Variants in PHTF1 observed in about 807,000 individuals in gnomAD.
PHTF1 encodes putative homeodomain transcription factor 1, also known as protein PHTF1.
PHTF1 carries 88 observed loss-of-function variants against 102.4 expected under a neutral mutation model. The observed-to-expected ratio is 0.86, with a 90% CI of 0.72 to 1.03. PHTF1 has a LOEUF of 1.03. PHTF1 is among the 50% of genes least tolerant of loss of function. PHTF1 has a pLI of 0.00. For missense variants in PHTF1, 814 were observed against 909.5 expected (o/e 0.89, Z 1.35); for synonymous variants, 289 against 305.2 (o/e 0.95, Z 0.55).
intron 7 of PHTF1, among the ~76,000 whole-genome samples, chr1:113,718,467 T>A (rs1340397759): frequency 3.3e-5 from 5 of 152,158 alleles, no homozygotes; most frequent in Non-Finnish European, 5.9e-5. Context: ...TTCTCACAGC[T>A]CCACTAGGTG....
chr1:113,712,788 T>A (rs560962924), intron 8 of PHTF1, among the ~76,000 whole-genome samples: 4 of 92,570 alleles, frequency 4.3e-5, no homozygotes, highest in South Asian at 5.5e-4. Context: ...CACAAAATTT[T>A]TTTTTTTTTT....
intron 17 of PHTF1, 76 bp downstream of exon 17, chr1:113,699,628 C>T (rs3752953): frequency 0.25 from 180,225 of 732,728 alleles, 23,543 homozygotes; most frequent in South Asian, 0.34. Flanking sequence ...GTATCATCTG[C>T]CATTTAATGT....
chr1:113,706,570 A>C, intron 12 of PHTF1, 24 bp downstream of exon 12: 3 of 1,557,352 alleles, frequency 1.9e-6, no homozygotes, highest in Non-Finnish European at 2.6e-6. Flanking sequence ...TTTTTGAAAA[A>C]TCTGAAAACA....
rs1649866076 is a variant in PHTF1 at position 113,704,698 on chromosome 1, T to A, written c.1771A>T (p.Lys591Ter). ...TAGGAACGCAGTGATAACCATATTT[T>A]AATATTCTCCACCTTCTTAAGTCTG... ...HFRLKKVENI[K>*]IWLSLRSYLK... Residue 591 changes from lysine (K) to a stop codon, truncating the protein, a stop_gained, in exon 14 of 19, where the codon AAA (lysine) becomes TAA (stop). Transcript: ENST00000369604. LOFTEE classifies it high-confidence loss of function. The A allele has an allele frequency of 6.3e-7, 1 of 1,592,884 alleles. No individual in the cohort carries two copies. The highest frequency in any genetic ancestry group is 8.6e-7 in the Non-Finnish European group (1 of 1,162,888).
intron 3 of PHTF1, among the ~76,000 whole-genome samples, chr1:113,747,457 T>G (rs182340699): frequency 6.6e-6 from 1 of 152,338 alleles, no homozygotes; most frequent in African/African-American, 2.4e-5. Flanking sequence ...GTCCTCATAC[T>G]CCATTCTGGA....
intron 14 of PHTF1, 56 bp from the exon 15 acceptor site, chr1:113,704,223 C>A: frequency 1.0e-6 from 1 of 994,204 alleles, no homozygotes; most frequent in Non-Finnish European, 1.6e-6. Context: ...AGCAACCGCC[C>A]TCACATTATT....
chr1:113,724,939 C>T, intron 6 of PHTF1, 46 bp from the exon 7 acceptor site: 1 of 1,391,316 alleles, frequency 7.2e-7, no homozygotes, highest in South Asian at 1.3e-5. Flanking sequence ...AAGACCCTTT[C>T]TATTTCTGCC....
At chr1:113,756,896 G>C (rs1658967027) in intron 3 of PHTF1, among the ~76,000 whole-genome samples, 2 of 152,122 alleles carry the variant, frequency 1.3e-5, no homozygotes, top group South Asian at 4.1e-4. Context: ...GGCCGGGCGC[G>C]GTGGCTCACG....
At chr1:113,697,803 A>G in intron 18 of PHTF1, 78 bp from the exon 19 acceptor site, 1 of 926,156 alleles carries the variant, frequency 1.1e-6, no homozygotes, top group Non-Finnish European at 1.8e-6. Flanking sequence ...ACATGACTAT[A>G]AACTAAGAAT....
At chr1:113,750,075 G>A (rs1657814656) in intron 3 of PHTF1, among the ~76,000 whole-genome samples, 1 of 151,842 alleles carries the variant, frequency 6.6e-6, no homozygotes, top group Non-Finnish European at 1.5e-5. Flanking sequence ...GCACACCACA[G>A]CCTCAAACTC....
At chr1:113,705,422 T>C (rs1003815494) in intron 13 of PHTF1, among the ~76,000 whole-genome samples, 16 of 152,050 alleles carry the variant, frequency 1.1e-4, no homozygotes, top group East Asian at 1.9e-4. Flanking sequence ...ACCTGGGCAA[T>C]AGAACAACAC....
chr1:113,721,239 A>G (rs1652890917), intron 7 of PHTF1, among the ~76,000 whole-genome samples: 1 of 152,256 alleles, frequency 6.6e-6, no homozygotes, highest in South Asian at 2.1e-4. Flanking sequence ...TACCAAAAGA[A>G]TGAAGGAAAA....
chr1:113,704,288 G>T (rs1649796782), intron 14 of PHTF1, 121 bp from the exon 15 acceptor site: 1 of 562,280 alleles, frequency 1.8e-6, no homozygotes, highest in African/African-American at 1.9e-5. Flanking sequence ...AGAAGTTTCT[G>T]AGATAGGATT....
intron 11 of PHTF1, among the ~76,000 whole-genome samples, chr1:113,708,363 C>A (rs531948346): frequency 6.6e-6 from 1 of 152,324 alleles, no homozygotes; most frequent in Non-Finnish European, 1.5e-5. Flanking sequence ...CGGTGGCTCA[C>A]GCCTGTAGTC....
At chr1:113,744,196 G>A (rs989070553) in intron 3 of PHTF1, among the ~76,000 whole-genome samples, 3 of 152,176 alleles carry the variant, frequency 2.0e-5, no homozygotes, top group Admixed American at 6.5e-5. Flanking sequence ...TAGGCTGTAC[G>A]CAGCCCTCTC....
At position 113,726,565 on chromosome 1, in the gene PHTF1, A is replaced by G; in HGVS notation, c.341T>C (p.Ile114Thr). ...AATAGGCATCATCAAATATAAGACA[A>G]TTGCTATAACTGAAAAGAAGAGGTT... ...LLLYFMQVIAIVLYLMMPIVN... is the reference protein window; with the variant it reads ...LLLYFMQVIATVLYLMMPIVN... Residue 114 changes from isoleucine (I) to threonine (T), a missense_variant, in exon 6 of 19, where the codon ATT becomes ACT. Ile to Thr is a moderately conservative substitution (Grantham distance 89). Coordinates refer to ENST00000369604, the MANE Select transcript of PHTF1 (RefSeq NM_001323043.2). 1 of 1,577,570 alleles carries G rather than the reference A, an allele frequency of 6.3e-7. No homozygotes were observed.
At chr1:113,739,931 A>C (rs1193208690) in intron 3 of PHTF1, among the ~76,000 whole-genome samples, 1 of 152,248 alleles carries the variant, frequency 6.6e-6, no homozygotes, top group Non-Finnish European at 1.5e-5. Flanking sequence ...TTACAGCTAA[A>C]TAGTATTCCA....
At chr1:113,755,170 ATTTG>A (rs1417242455) in intron 3 of PHTF1, among the ~76,000 whole-genome samples, 1 of 151,514 alleles carries the variant, frequency 6.6e-6, no homozygotes, top group Admixed American at 6.6e-5. Flanking sequence ...TTTTTTGCTT[ATTTG>A]TTCTTTTATT....
At chr1:113,744,461 A>C (rs1656893969) in intron 3 of PHTF1, among the ~76,000 whole-genome samples, 1 of 152,200 alleles carries the variant, frequency 6.6e-6, no homozygotes, top group South Asian at 2.1e-4. Context: ...GCAGAGAGGG[A>C]AGTTACCCCT....
Sources: allele counts gnomAD v4.1 joint callset (sites outside exome capture counted in the v4.1 genomes callset), GRCh38; gene constraint gnomAD v4.1.1; transcripts MANE v1.5; gene names NCBI Gene and HGNC (gene_info 2026-07-23, HGNC 2026-07-21).